Variants in MEIS2 observed in about 807,000 individuals in gnomAD.
MEIS2 encodes Meis homeobox 2.
MEIS2 carries 9 observed loss-of-function variants against 58.6 expected under a neutral mutation model. The ratio of observed to expected loss-of-function variants is 0.15; its 90% CI spans 0.09 to 0.27. MEIS2 has a LOEUF of 0.27. Among genes scored for constraint, MEIS2 ranks in the 10% least tolerant of loss-of-function variants. The pLI is 1.00. For missense variants in MEIS2, 427 were observed against 635.0 expected, an observed-to-expected ratio of 0.67 and a Z score of 3.52; for synonymous variants, 221 against 228.4, an observed-to-expected ratio of 0.97 and a Z score of 0.29.
At chr15:37,022,909 C>G (rs925160198) in intron 8 of MEIS2, among the ~76,000 whole-genome samples, 1 of 150,870 alleles carries the variant, frequency 6.6e-6, no homozygotes, top group African/African-American at 2.4e-5. Context: ...CCCTCCTCGG[C>G]CTCCCAAAGT....
chr15:36,902,384 A>C (rs550803768), intron 9 of MEIS2, among the ~76,000 whole-genome samples: 1 of 152,350 alleles, frequency 6.6e-6, no homozygotes, highest in Admixed American at 6.5e-5. Flanking sequence ...TGGAGATTTT[A>C]GACACTGGGG....
At chr15:36,939,996 A>G (rs904490585) in intron 9 of MEIS2, among the ~76,000 whole-genome samples, 1 of 152,190 alleles carries the variant, frequency 6.6e-6, no homozygotes, top group Admixed American at 6.5e-5. Context: ...TAATCTAAGG[A>G]CATGACACTC....
chr15:36,947,053 C>T (rs1490198447), intron 9 of MEIS2, among the ~76,000 whole-genome samples: 2 of 152,002 alleles, frequency 1.3e-5, no homozygotes, highest in African/African-American at 4.8e-5. Context: ...CACCAACTGA[C>T]CAGCATAGAA....
chr15:36,920,951 A>T (rs1351649316), intron 9 of MEIS2, among the ~76,000 whole-genome samples: 1 of 152,162 alleles, frequency 6.6e-6, no homozygotes, highest in African/African-American at 2.4e-5. Context: ...TCTATTGGTA[A>T]AAGCACACCC....
chr15:37,033,203 T>C (rs968572157), intron 8 of MEIS2, among the ~76,000 whole-genome samples: 1 of 152,056 alleles, frequency 6.6e-6, no homozygotes, highest in African/African-American at 2.4e-5. Context: ...GTTGAGAACA[T>C]ATGTAGAAAG....
intron 6 of MEIS2, among the ~76,000 whole-genome samples, chr15:37,087,851 A>G (rs1434934780): frequency 6.6e-6 from 1 of 152,164 alleles, no homozygotes; most frequent in African/African-American, 2.4e-5. Context: ...CACATGGCAC[A>G]TGGTTCTTCC....
rs1018578778 is a variant in MEIS2, at chr15:37,098,872, G to A, written c.12+583C>T. On this transcript the variant is annotated intron_variant, in intron 1 of 11. Coordinates refer to ENST00000561208, the MANE Select transcript of MEIS2 (RefSeq NM_170675.5). ...GCCTCCCCGGGGGCAGGGAGCGGAG[G>A]GTGGGGGGGCGAATAACGTGAAAGT... 11 of 980,396 alleles carry A rather than the reference G, an allele frequency of 1.1e-5. No homozygotes were observed. In the African/African-American group the frequency reaches 1.9e-4, roughly 17 times the overall value. The allele number at this position is 980,396 out of a possible 1,614,324, so 60.7% of individuals were successfully genotyped here.
At chr15:36,900,719 A>G (rs1249281893) in intron 9 of MEIS2, among the ~76,000 whole-genome samples, 1 of 152,182 alleles carries the variant, frequency 6.6e-6, no homozygotes, top group Non-Finnish European at 1.5e-5. Context: ...TAAACTTGGT[A>G]GCTTTGCATA....
At chr15:37,098,379 G>GGAGGGA (rs1215994119) in intron 1 of MEIS2, 180 bp from the exon 2 acceptor site, 173 of 307,896 alleles carry the variant, frequency 5.6e-4, no homozygotes, top group Admixed American at 2.4e-3. Flanking sequence ...GAGGAGAGGG[G>GGAGGGA]GAGAGAGAGA....
intron 10 of MEIS2, 170 bp from the exon 11 acceptor site, chr15:36,895,431 A>T: frequency 1.7e-6 from 1 of 593,298 alleles, no homozygotes; most frequent in Non-Finnish European, 3.0e-6. Context: ...AAGGTGTGTG[A>T]GTAGCTTTAA....
chr15:37,045,227 T>C (rs2062613046), intron 7 of MEIS2, among the ~76,000 whole-genome samples: 2 of 152,198 alleles, frequency 1.3e-5, no homozygotes, highest in Middle Eastern at 3.2e-3. Context: ...GTTTGGGTTA[T>C]TCAGAAACAT....
At chr15:37,072,875 A>T (rs1258095217) in intron 7 of MEIS2, among the ~76,000 whole-genome samples, 2 of 151,830 alleles carry the variant, frequency 1.3e-5, no homozygotes, top group South Asian at 4.2e-4. Flanking sequence ...TTTTGTGAAG[A>T]CTTCCACAGA....
At chr15:37,055,547 T>C (rs1596027935) in intron 7 of MEIS2, among the ~76,000 whole-genome samples, 2 of 152,268 alleles carry the variant, frequency 1.3e-5, no homozygotes, top group Admixed American at 1.3e-4. Flanking sequence ...ACCACCACCT[T>C]CAACCTTGCT....
At chr15:36,996,434 T>G (rs1043613889) in intron 8 of MEIS2, among the ~76,000 whole-genome samples, 2 of 152,034 alleles carry the variant, frequency 1.3e-5, no homozygotes, top group Non-Finnish European at 2.9e-5. Context: ...TTATCGAGAT[T>G]GGGAAAATTA....
chr15:37,097,680 G>C (rs1894452486), intron 2 of MEIS2, among the ~76,000 whole-genome samples: 1 of 152,200 alleles, frequency 6.6e-6, no homozygotes, highest in Non-Finnish European at 1.5e-5. Context: ...CAGGAATCCT[G>C]TCCTCGGGGA....
intron 9 of MEIS2, among the ~76,000 whole-genome samples, chr15:36,911,705 A>G (rs2141268210): frequency 6.6e-6 from 1 of 152,298 alleles, no homozygotes; most frequent in Non-Finnish European, 1.5e-5. Flanking sequence ...TGGTTCTATA[A>G]GCAATCCTGT....
At chr15:37,051,676 C>A (rs1323541073) in intron 7 of MEIS2, among the ~76,000 whole-genome samples, 1 of 152,084 alleles carries the variant, frequency 6.6e-6, no homozygotes, top group African/African-American at 2.4e-5. Context: ...TCATCAAAAA[C>A]CTGTTATTTG....
intron 8 of MEIS2, among the ~76,000 whole-genome samples, chr15:36,967,213 T>C (rs2059384742): frequency 6.6e-6 from 1 of 152,330 alleles, no homozygotes; most frequent in Non-Finnish European, 1.5e-5. Flanking sequence ...ACGCTCATGA[T>C]ATCACTAGTA....
Position 36,891,828 on chromosome 15 carries a change from GA to G in MEIS2, c.*344del, listed in dbSNP as rs2055873885. 1 of 307,506 alleles carries G rather than the reference GA, an allele frequency of 3.3e-6. No individual in the cohort carries two copies. The highest frequency in any genetic ancestry group is 4.1e-5 in the South Asian group (1 of 24,648). 19.0% of individuals were successfully genotyped at this position (307,506 alleles called of 1,614,324 possible). A position where few individuals can be genotyped will look rare whatever the true frequency, so the allele number is the denominator to read the frequency against. The stretch of plus-strand genomic sequence containing the variant: ...CAACACACATAGTGTGGAAAACAAG[GA>G]TATATTTTTTTTTCTCTTCTAAAAC... On this transcript the variant is annotated 3_prime_UTR_variant, in exon 12 of 12. Coordinates refer to ENST00000561208, the MANE Select transcript of MEIS2 (RefSeq NM_170675.5).
Sources: gnomAD v4.1 joint callset for allele counts (sites outside exome capture counted in the v4.1 genomes callset) on GRCh38, gnomAD v4.1.1 for gene constraint, MANE v1.5 for transcripts, NCBI Gene and HGNC (gene_info 2026-07-23, HGNC 2026-07-21) for gene names.